FGGY: variants seen among roughly 807,000 people sequenced by gnomAD.
FGGY encodes FGGY carbohydrate kinase domain containing.
A neutral mutation model predicts 71.3 loss-of-function variants in FGGY; 72 were observed. The observed-to-expected ratio is 1.01, with a 90% CI of 0.84 to 1.23. FGGY has a LOEUF of 1.23. Ranked by LOEUF, FGGY falls within the 50% of genes most tolerant of loss-of-function variation. The pLI, the probability that FGGY is intolerant of heterozygous loss-of-function variation, is 0.00. For synonymous variants in FGGY, 251 were observed against 250.3 expected (o/e 1.00, Z -0.02); for missense variants, 668 against 682.3 (o/e 0.98, Z 0.23).
intron 14 of FGGY, among the ~76,000 whole-genome samples, chr1:59,727,190 G>C (rs1030656979): frequency 6.6e-6 from 1 of 152,134 alleles, no homozygotes; most frequent in African/African-American, 2.4e-5. Context: ...ATGGCCTCCA[G>C]CTACCTCCAC....
intron 7 of FGGY, among the ~76,000 whole-genome samples, chr1:59,541,949 T>A (rs1325962308): frequency 1.3e-5 from 2 of 152,202 alleles, no homozygotes; most frequent in Admixed American, 6.5e-5. Flanking sequence ...AAGAATTAAA[T>A]AAGTTAATTT....
chr1:59,613,411 A>G (rs910417627), intron 9 of FGGY, among the ~76,000 whole-genome samples: 1 of 152,158 alleles, frequency 6.6e-6, no homozygotes, highest in Non-Finnish European at 1.5e-5. Flanking sequence ...GGTACATAAC[A>G]AAATGGAGGC....
chr1:59,442,085 A>G (rs574319699), intron 5 of FGGY, among the ~76,000 whole-genome samples: 1 of 152,174 alleles, frequency 6.6e-6, no homozygotes, highest in Non-Finnish European at 1.5e-5. Flanking sequence ...TTCACCAATC[A>G]TGCAGAGGGT....
chr1:59,399,797 A>G (rs1029297546), intron 5 of FGGY, among the ~76,000 whole-genome samples: 20 of 152,228 alleles, frequency 1.3e-4, no homozygotes, highest in Non-Finnish European at 2.8e-4. Context: ...TCAGAATCAC[A>G]CTTGTGATCT....
At chr1:59,514,555 G>A (rs1021437466) in intron 7 of FGGY, among the ~76,000 whole-genome samples, 4 of 152,146 alleles carry the variant, frequency 2.6e-5, no homozygotes, top group Non-Finnish European at 5.9e-5. Context: ...TAAGTGATAT[G>A]GTTTGGCTGT....
chr1:59,482,056 T>G (rs2093490139), intron 6 of FGGY, among the ~76,000 whole-genome samples: 1 of 152,190 alleles, frequency 6.6e-6, no homozygotes, highest in Non-Finnish European at 1.5e-5. Flanking sequence ...AACCCAGCTA[T>G]GCAAGTACAG....
chr1:59,647,741 CTTT>C lies in FGGY; in HGVS notation c.1221+9386_1221+9388del, dbSNP rs578262218. Among the ~76,000 whole-genome samples the C allele has an allele frequency of 4.2e-3, 464 of 111,598 alleles. 3 individuals carry two copies. The highest frequency in any genetic ancestry group is 0.014 in the African/African-American group (440 of 30,376). 73.2% of individuals were successfully genotyped at this position (111,598 alleles called of 152,430 possible). On this transcript the variant is annotated intron_variant, in intron 11 of 15. Coordinates refer to ENST00000303721, the MANE Select transcript of FGGY (RefSeq NM_018291.5). ...CTGGGCCCACCACCCCTGCCACCAT[CTTT>C]TTTTTTTTTTTTTTTTTTTATACTT...
intron 9 of FGGY, among the ~76,000 whole-genome samples, chr1:59,614,152 G>T (rs879283169): frequency 2.0e-5 from 3 of 152,268 alleles, no homozygotes; most frequent in African/African-American, 7.2e-5. Flanking sequence ...ATTTTATGAG[G>T]CCAGCATCAT....
intron 5 of FGGY, among the ~76,000 whole-genome samples, chr1:59,381,835 A>G (rs1457234012): frequency 1.3e-5 from 2 of 152,214 alleles, no homozygotes; most frequent in Non-Finnish European, 2.9e-5. Context: ...TCAGTAAGTT[A>G]TGAATGTTAA....
chr1:59,318,216 C>T (rs1324071044), intron 1 of FGGY, among the ~76,000 whole-genome samples: 3 of 152,158 alleles, frequency 2.0e-5, no homozygotes, highest in Non-Finnish European at 2.9e-5. Flanking sequence ...TTATTGTCTT[C>T]AAGAATTGTG....
Position 59,614,662 on chromosome 1 carries a change from G to A in FGGY, c.1011+6752G>A, listed in dbSNP as rs142697621. Among the ~76,000 whole-genome samples the A allele has an allele frequency of 2.4e-4, 36 of 152,286 alleles. 1 individual carries two copies. Among genetic ancestry groups the A allele is most frequent in the African/African-American group, 7.9e-4 (33 of 41,548 alleles). ...AGTTCTGGTCAGGGCAATCAGGCAG[G>A]AGAAGGAAATAAAGGGTATTCAATT... is the stretch of plus-strand genomic sequence containing the variant. On this transcript the variant is annotated intron_variant, in intron 9 of 15. Transcript: ENST00000303721.
chr1:59,666,092 A>G (rs2097322971), intron 12 of FGGY, among the ~76,000 whole-genome samples: 1 of 152,072 alleles, frequency 6.6e-6, no homozygotes, highest in South Asian at 2.1e-4. Flanking sequence ...ACTTTCACTA[A>G]AAACCAAGAT....
At chr1:59,736,365 C>T (rs2098103843) in intron 14 of FGGY, among the ~76,000 whole-genome samples, 1 of 152,084 alleles carries the variant, frequency 6.6e-6, no homozygotes, top group South Asian at 2.1e-4. Flanking sequence ...TGGTAACAGG[C>T]AGAGGTTGGA....
intron 14 of FGGY, among the ~76,000 whole-genome samples, chr1:59,700,029 G>A (rs1355803869): frequency 6.6e-6 from 1 of 152,002 alleles, no homozygotes; most frequent in Admixed American, 6.6e-5. Context: ...TGTTTATATG[G>A]CTTGAAGCTT....
chr1:59,527,848 A>G (rs1208445173), intron 7 of FGGY, among the ~76,000 whole-genome samples: 1 of 152,252 alleles, frequency 6.6e-6, no homozygotes, highest in Non-Finnish European at 1.5e-5. Context: ...ATAACCAAAT[A>G]AAAAGATTAT....
At chr1:59,384,053 A>T (rs2059795378) in intron 5 of FGGY, among the ~76,000 whole-genome samples, 1 of 152,186 alleles carries the variant, frequency 6.6e-6, no homozygotes. Flanking sequence ...AACTTATCAG[A>T]ACATGCTTGG....
chr1:59,685,165 T>C (rs1448283625), intron 14 of FGGY, among the ~76,000 whole-genome samples: 2 of 152,172 alleles, frequency 1.3e-5, no homozygotes, highest in Admixed American at 6.5e-5. Context: ...GCATGTCACA[T>C]GCTAGAAATA....
chr1:59,426,504 T>G (rs1468209071), intron 5 of FGGY, among the ~76,000 whole-genome samples: 3 of 152,158 alleles, frequency 2.0e-5, no homozygotes, highest in Non-Finnish European at 2.9e-5. Context: ...GACTGAAAAA[T>G]AAATTTCACA....
At chr1:59,351,825 G>A (rs904225885) in intron 4 of FGGY, among the ~76,000 whole-genome samples, 14 of 152,202 alleles carry the variant, frequency 9.2e-5, no homozygotes, top group Admixed American at 2.6e-4. Context: ...CACTCACTTC[G>A]TTATTGCTGT....
Sources: allele counts gnomAD v4.1 joint callset (sites outside exome capture counted in the v4.1 genomes callset), GRCh38; gene constraint gnomAD v4.1.1; transcripts MANE v1.5; gene names NCBI Gene and HGNC (gene_info 2026-07-23, HGNC 2026-07-21).